PAX5: variants seen among roughly 807,000 people sequenced by gnomAD.
PAX5 encodes paired box 5.
Under a neutral mutation model 43.7 loss-of-function variants are expected in PAX5, and 9 were observed. That is an observed-to-expected ratio of 0.21 (90% CI 0.12 to 0.36). The LOEUF is 0.36. PAX5 is among the 10% of genes least tolerant of loss of function. The pLI, the probability that PAX5 is intolerant of heterozygous loss-of-function variation, is 1.00. For missense variants in PAX5, 383 were observed against 532.7 expected, an observed-to-expected ratio of 0.72 and a Z score of 2.77; for synonymous variants, 228 against 214.3, an observed-to-expected ratio of 1.06 and a Z score of -0.56.
At chr9:36,945,623 A>G (rs1832428574) in intron 6 of PAX5, among the ~76,000 whole-genome samples, 1 of 152,238 alleles carries the variant, frequency 6.6e-6, no homozygotes, top group East Asian at 1.9e-4. Flanking sequence ...TGTTTAACAC[A>G]AGAAACAGAT....
At chr9:36,988,292 C>T (rs1022175813) in intron 5 of PAX5, among the ~76,000 whole-genome samples, 1 of 152,154 alleles carries the variant, frequency 6.6e-6, no homozygotes, top group Non-Finnish European at 1.5e-5. Context: ...ATTCTGCCAG[C>T]ATGAATTCCA....
intron 7 of PAX5, among the ~76,000 whole-genome samples, chr9:36,899,556 C>T (rs994601909): frequency 6.6e-6 from 1 of 152,016 alleles, no homozygotes; most frequent in African/African-American, 2.4e-5. Flanking sequence ...TTTTTTGAGC[C>T]CAATCGGTGT....
At chr9:36,927,867 C>A (rs923288356) in intron 6 of PAX5, among the ~76,000 whole-genome samples, 7 of 152,170 alleles carry the variant, frequency 4.6e-5, no homozygotes, top group Admixed American at 1.3e-4. Context: ...TGCCACCACA[C>A]CCAGTTAATT....
At chr9:37,002,878 C>T (rs1403460037) in intron 4 of PAX5, 102 bp from the exon 5 acceptor site, 3 of 1,377,572 alleles carry the variant, frequency 2.2e-6, no homozygotes, top group Admixed American at 4.5e-5. Flanking sequence ...GGAGCGAGCG[C>T]AGGGTGGGCA....
chr9:36,870,074 GGATGGATGGATA>G (rs1825340936), intron 8 of PAX5, among the ~76,000 whole-genome samples: 1 of 94,936 alleles, frequency 1.1e-5, no homozygotes, highest in Non-Finnish European at 2.2e-5. Context: ...ATGGATGGAT[GGATGGATGGATA>G]AATGGATGGA....
At chr9:37,005,135 A>T (rs141808194) in intron 4 of PAX5, among the ~76,000 whole-genome samples, 7 of 152,192 alleles carry the variant, frequency 4.6e-5, no homozygotes, top group Admixed American at 4.6e-4. Context: ...TCAGCCACAA[A>T]CATTCCCCCA....
chr9:37,004,627 T>G (rs1272500789), intron 4 of PAX5, among the ~76,000 whole-genome samples: 4 of 152,346 alleles, frequency 2.6e-5, no homozygotes, highest in African/African-American at 9.6e-5. Flanking sequence ...CTTCTCTTTT[T>G]CTTCACCAGA....
intron 6 of PAX5, among the ~76,000 whole-genome samples, chr9:36,963,492 T>C (rs1834143394): frequency 6.6e-6 from 1 of 152,202 alleles, no homozygotes; most frequent in African/African-American, 2.4e-5. Context: ...TCTCTTGTCC[T>C]GCGGGCTCTG....
chr9:36,844,708 CT>C (rs1269213846), intron 9 of PAX5, among the ~76,000 whole-genome samples: 1 of 152,260 alleles, frequency 6.6e-6, no homozygotes, highest in East Asian at 1.9e-4. Context: ...ACAATTGGGG[CT>C]GTGAACTAGA....
In PAX5 at chr9:36,839,264, G is replaced by A. The variant is rs991449593; in HGVS notation, c.*1296C>T. 8.6e-6 allele frequency: 2 copies of A among 233,436 alleles called. No homozygotes were observed. The highest frequency in any genetic ancestry group is 5.6e-5 in the Admixed American group (1 of 17,780). The allele number at this position is 233,436 out of a possible 1,614,324, so 14.5% of individuals were successfully genotyped here. A position where few individuals can be genotyped will look rare whatever the true frequency, so the allele number is the denominator to read the frequency against. The stretch of plus-strand genomic sequence containing the variant: ...CCCTAGCCCACAGTGAGTTCTCCAA[G>A]CTCCCTCTCCAAGTTCCCGTGGCCC... On this transcript the variant is annotated 3_prime_UTR_variant, in exon 10 of 10. Coordinates refer to ENST00000358127, the MANE Select transcript of PAX5 (RefSeq NM_016734.3).
At chr9:36,863,872 A>T (rs1824490695) in intron 8 of PAX5, among the ~76,000 whole-genome samples, 1 of 152,162 alleles carries the variant, frequency 6.6e-6, no homozygotes, top group Admixed American at 6.5e-5. Context: ...GTACTTTGGG[A>T]GGCTAAGGTG....
At chr9:36,908,768 G>C (rs1829017993) in intron 7 of PAX5, among the ~76,000 whole-genome samples, 1 of 152,150 alleles carries the variant, frequency 6.6e-6, no homozygotes, top group Non-Finnish European at 1.5e-5. Context: ...TCTTTGGAAG[G>C]GTCGGCTCCC....
At position 36,988,866 on chromosome 9, in the gene PAX5, T is replaced by A. The variant is rs1836693631; in HGVS notation, c.604+13782A>T. ...GCTAATCAAAATATTATAGGCAACA[T>A]TTTCTAATTACCAGAAAAGGCAGGA... On this transcript the variant is annotated intron_variant, in intron 5 of 9. Transcript: ENST00000358127. 2.6e-5 allele frequency among the ~76,000 whole-genome samples: 4 copies of A among 152,326 alleles called. No individual in the cohort carries two copies. In the South Asian group the frequency reaches 8.3e-4, roughly 32 times the overall value.
At chr9:36,913,804 G>A (rs537150940) in intron 7 of PAX5, among the ~76,000 whole-genome samples, 2 of 152,182 alleles carry the variant, frequency 1.3e-5, no homozygotes, top group Non-Finnish European at 2.9e-5. Context: ...GCCCTGGGCC[G>A]GGCTCACCAT....
chr9:36,951,034 A>G (rs1161397035), intron 6 of PAX5, among the ~76,000 whole-genome samples: 1 of 152,098 alleles, frequency 6.6e-6, no homozygotes, highest in Non-Finnish European at 1.5e-5. Flanking sequence ...GAGCCACTGC[A>G]TGAATTTTCT....
chr9:36,895,481 CT>C (rs1187950252), intron 7 of PAX5, among the ~76,000 whole-genome samples: 1 of 152,240 alleles, frequency 6.6e-6, no homozygotes, highest in Admixed American at 6.5e-5. Flanking sequence ...ATTAAAATTA[CT>C]AGTTGTTCTA....
chr9:36,837,202 C>A lies in PAX5; in HGVS notation c.*3358G>T. 4.3e-6 allele frequency: 1 copy of A among 233,050 alleles called. No homozygotes were observed. Among genetic ancestry groups the A allele is most frequent in the Non-Finnish European group, 8.5e-6 (1 of 117,936 alleles). The allele number at this position is 233,050 out of a possible 1,614,324, so 14.4% of individuals were successfully genotyped here. ...GAGAATTCACTTCGCCTCTATGTTG[C>A]CGTGAGAGCCCCAAATGTCAATTTC... On this transcript the variant is annotated 3_prime_UTR_variant, in exon 10 of 10. Transcript: ENST00000358127.
chr9:36,999,938 G>A (rs969389514), intron 5 of PAX5, among the ~76,000 whole-genome samples: 7 of 151,956 alleles, frequency 4.6e-5, no homozygotes, highest in East Asian at 1.9e-4. Flanking sequence ...AGACTGCTCC[G>A]CCTCCAAAGC....
At chr9:36,896,708 G>T (rs537916246) in intron 7 of PAX5, among the ~76,000 whole-genome samples, 1 of 152,284 alleles carries the variant, frequency 6.6e-6, no homozygotes, top group South Asian at 2.1e-4. Flanking sequence ...TCTGGGTCTC[G>T]GTTTCCACTT....
Sources: gnomAD v4.1 joint callset for allele counts (sites outside exome capture counted in the v4.1 genomes callset) on GRCh38, gnomAD v4.1.1 for gene constraint, MANE v1.5 for transcripts, NCBI Gene and HGNC (gene_info 2026-07-23, HGNC 2026-07-21) for gene names.